The following HELT variants were observed in gnomAD, a reference collection of about 807,000 sequenced individuals.
HELT encodes hairy and enhancer of split-related protein HELT.
In HELT, 9 loss-of-function variants were observed where a neutral mutation model predicts 19.5. The ratio of observed to expected loss-of-function variants is 0.46; its 90% confidence interval spans 0.28 to 0.80. HELT has a LOEUF of 0.80. Ranked by LOEUF, HELT falls within the 30% of genes least tolerant of loss-of-function variation. The probability of loss-of-function intolerance (pLI) is 0.12; values close to 1 mark genes in which losing one functional copy is unlikely to be tolerated. For synonymous variants in HELT, 162 were observed against 148.3 expected, an observed-to-expected ratio of 1.09 and a Z score of -0.67; for missense variants, 366 against 326.3, an observed-to-expected ratio of 1.12 and a Z score of -0.94.
At chr4:185,019,203 G>T (rs1158497654) in intron 1 of HELT, 184 bp from the exon 2 acceptor site, 2 of 1,342,512 alleles carry the variant, frequency 1.5e-6, no homozygotes, top group African/African-American at 1.5e-5. Context: ...AGGGGAGCGC[G>T]CCAGCGCGGG....
In HELT at chr4:185,020,782, G is replaced by A. The variant is rs930095695; in HGVS notation, c.*10G>A. 6.6e-7 allele frequency: 1 copy of A among 1,507,898 alleles called. No individual in the cohort carries two copies. Among genetic ancestry groups the A allele is most frequent in the Non-Finnish European group, 8.8e-7 (1 of 1,136,444 alleles). 93.4% of individuals were successfully genotyped at this position (1,507,898 alleles called of 1,614,324 possible). A position where few individuals can be genotyped will look rare whatever the true frequency, so the allele number is the denominator to read the frequency against. On this transcript the variant is annotated 3_prime_UTR_variant, in exon 4 of 4. Coordinates refer to ENST00000515777, the MANE Select transcript of HELT (RefSeq NM_001300781.2). Reference sequence around the variant, plus strand: ...CCCCCCGGTGCTCTGACGCCCACTCGCCCGCCAGATTTCTCCTCGCTTTGG... The same window carrying A: ...CCCCCCGGTGCTCTGACGCCCACTCACCCGCCAGATTTCTCCTCGCTTTGG...
Position 185,019,506 on chromosome 4 carries a change from C to A in HELT, c.132+15C>A. On this transcript the variant is annotated intron_variant, in intron 2 of 3. Coordinates refer to ENST00000515777, the MANE Select transcript of HELT (RefSeq NM_001300781.2). Reference sequence around the variant, plus strand: ...TGGCGAAGCAGGTAACGTTGGCGACCCGGAGCCGGGTGCCAGGCGTTGGGA... The same window carrying A: ...TGGCGAAGCAGGTAACGTTGGCGACACGGAGCCGGGTGCCAGGCGTTGGGA... The A allele has an allele frequency of 6.3e-7, 1 of 1,595,134 alleles. No homozygotes were observed. The highest frequency in any genetic ancestry group is 8.5e-7 in the Non-Finnish European group (1 of 1,170,438).
chr4:185,020,524 C>T lies in HELT; in HGVS notation c.481C>T (p.Pro161Ser), dbSNP rs771689955. 2 of 1,609,600 alleles carry T rather than the reference C, an allele frequency of 1.2e-6. No individual in the cohort carries two copies. The highest frequency in any genetic ancestry group is 1.1e-5 in the South Asian group (1 of 91,018). The stretch of plus-strand genomic sequence containing the variant: ...GGGGCCCGAATTCGCTGGTCACAGC[C>T]CGGGCGAGGCCGCTGTGTTCCCGCA... ...PAGPEFAGHS[P>S]GEAAVFPQGS... The change falls in exon 4 of 4, where the codon CCG becomes TCG. Residue 161 changes from proline (P) to serine (S), a missense_variant. Transcript: ENST00000515777.
chr4:185,019,652 T>A, intron 2 of HELT, 95 bp from the exon 3 acceptor site: 1 of 1,608,042 alleles, frequency 6.2e-7, no homozygotes, highest in South Asian at 1.1e-5. Context: ...CTGGCGCAGA[T>A]CCGCAGCCGC....
At position 185,020,571 on chromosome 4, in the gene HELT, C is replaced by T. The variant is rs749697254; in HGVS notation, c.528C>T (p.Phe176=). Residue 176 remains phenylalanine (F), a synonymous_variant, in exon 4 of 4, where the codon TTC becomes TTT. Transcript: ENST00000515777. ...VFPQGSGAGP[F]PWPPGAARSP... is the part of the protein sequence containing the mutation. ...CGCAGGGCTCTGGTGCCGGGCCTTT[C>T]CCCTGGCCGCCTGGCGCGGCCCGCA... 20 of 1,597,282 alleles carry T rather than the reference C, an allele frequency of 1.3e-5. No homozygotes were observed. The East Asian group carries it at 2.7e-4, about 21-fold the overall frequency.
intron 1 of HELT, 52 bp downstream of exon 1, chr4:185,019,007 G>T: frequency 1.9e-6 from 3 of 1,614,040 alleles, no homozygotes; most frequent in Non-Finnish European, 2.5e-6. Context: ...GGAGGCATCT[G>T]ACTCACCGAC....
At chr4:185,019,935 G>C in intron 3 of HELT, 92 bp downstream of exon 3, 1 of 1,191,086 alleles carries the variant, frequency 8.4e-7, no homozygotes, top group South Asian at 1.4e-5. Flanking sequence ...GAGTGTTCCC[G>C]AGAGCTCTAC....
Position 185,020,240 on chromosome 4 carries a change from G to A in HELT, c.230-33G>A, listed in dbSNP as rs779708719. 1.2e-5 allele frequency: 19 copies of A among 1,598,282 alleles called. No individual in the cohort carries two copies. The Admixed American group carries it at 2.7e-4, about 23-fold the overall frequency. ...CGCGTGGGGAAGGGGCACTCAGGGT[G>A]TGTCCGTCCTACGGGCTTTCTCGTT... On this transcript the variant is annotated intron_variant, in intron 3 of 3. Transcript: ENST00000515777.
Position 185,019,428 on chromosome 4 carries a change from G to T in HELT, c.69G>T (p.Arg23Ser), listed in dbSNP as rs1378484343. Residue 23 changes from arginine to serine, a missense_variant, in exon 2 of 4, where the codon AGG becomes AGT. Transcript: ENST00000515777. ...VSHKVIEKRRRDRINRCLNEL... is the reference protein window; with the variant it reads ...VSHKVIEKRRSDRINRCLNEL... ...ATAAAGTGATAGAAAAGCGGAGGAGGGACAGGATCAACCGCTGCTTGAACG... is the reference window on the plus strand; with the variant it reads ...ATAAAGTGATAGAAAAGCGGAGGAGTGACAGGATCAACCGCTGCTTGAACG... 1 of 1,613,428 alleles carries T rather than the reference G, an allele frequency of 6.2e-7. No individual in the cohort carries two copies. Among genetic ancestry groups the T allele is most frequent in the Non-Finnish European group, 8.5e-7 (1 of 1,179,664 alleles).
chr4:185,018,638 T>A lies in HELT; in HGVS notation c.-291T>A, dbSNP rs1452652352. ...GTGTCCTTTGAAGGGCCACGTGGAT[T>A]AACAAAGCTGATCTGCCCCCAGCTC... On this transcript the variant is annotated 5_prime_UTR_variant, in exon 1 of 4. Transcript: ENST00000515777. Among the ~76,000 whole-genome samples, 1 of 151,872 alleles carries A rather than the reference T, an allele frequency of 6.6e-6. No individual in the cohort carries two copies. Among genetic ancestry groups the A allele is most frequent in the African/African-American group, 2.4e-5 (1 of 41,350 alleles).
rs532087940 is a variant in HELT at position 185,019,025 on chromosome 4, T to C, written c.27+70T>C. The C allele has an allele frequency of 4.9e-5, 79 of 1,613,980 alleles. 1 individual carries two copies. In the Middle Eastern group the frequency reaches 1.3e-3, roughly 27 times the overall value. On this transcript the variant is annotated intron_variant, in intron 1 of 3. Transcript: ENST00000515777. ...GGCATCTGACTCACCGACCCGCCAC[T>C]TGGGTGGACCGATGGCAGGGAAGTG...
chr4:185,019,810 C>T lies in HELT; in HGVS notation c.196C>T (p.His66Tyr). 3.1e-6 allele frequency: 5 copies of T among 1,613,816 alleles called. No individual in the cohort carries two copies. Among genetic ancestry groups the T allele is most frequent in the Non-Finnish European group, 3.4e-6 (4 of 1,179,974 alleles). Reference protein sequence around the residue: ...EMTVQYLRALHSADFPRGREK... With the variant: ...EMTVQYLRALYSADFPRGREK... ...GACCGTTCAGTACCTGAGAGCACTG[C>T]ACTCCGCTGATTTTCCCCGGGGAAG... Residue 66 changes from histidine to tyrosine, a missense_variant, in exon 3 of 4, where the codon CAC becomes TAC. His to Tyr is a moderately conservative substitution (Grantham distance 83). Coordinates refer to ENST00000515777, the MANE Select transcript of HELT (RefSeq NM_001300781.2).
intron 1 of HELT, 83 bp downstream of exon 1, chr4:185,019,038 T>A: frequency 6.2e-7 from 1 of 1,614,000 alleles, no homozygotes. Context: ...GGTGGACCGA[T>A]GGCAGGGAAG....
rs746366895 is a variant in HELT at position 185,020,580 on chromosome 4, G to A, written c.537G>A (p.Pro179=). 8 of 1,593,418 alleles carry A rather than the reference G, an allele frequency of 5.0e-6. No homozygotes were observed. In the African/African-American group the frequency reaches 5.4e-5, roughly 11 times the overall value. ...QGSGAGPFPW[P]PGAARSPALP... ...CTGGTGCCGGGCCTTTCCCCTGGCC[G>A]CCTGGCGCGGCCCGCAGCCCCGCGC... Residue 179 remains proline, a synonymous_variant, in exon 4 of 4, where the codon CCG becomes CCA. Coordinates refer to ENST00000515777, the MANE Select transcript of HELT (RefSeq NM_001300781.2).
intron 3 of HELT, 32 bp downstream of exon 3, chr4:185,019,875 G>T (rs771115159): frequency 6.3e-7 from 1 of 1,583,748 alleles, no homozygotes; most frequent in South Asian, 1.1e-5. Flanking sequence ...GGACGCCTGG[G>T]CCAGGCGCCT....
intron 2 of HELT, 76 bp downstream of exon 2, chr4:185,019,567 C>A: frequency 6.4e-7 from 1 of 1,551,154 alleles, no homozygotes; most frequent in Admixed American, 2.0e-5. Context: ...CGCCCGAGCC[C>A]GCGGACACAG....
At chr4:185,019,634 A>T (rs943388947) in intron 2 of HELT, 113 bp from the exon 3 acceptor site, 3 of 1,604,176 alleles carry the variant, frequency 1.9e-6, no homozygotes. Context: ...GGCGAACCTC[A>T]GGAGGCTCTG....
chr4:185,020,310 T>C lies in HELT; in HGVS notation c.267T>C (p.Tyr89=), dbSNP rs1373215027. The C allele has an allele frequency of 1.2e-6, 2 of 1,614,038 alleles. No individual in the cohort carries two copies. Among genetic ancestry groups the C allele is most frequent in the African/African-American group, 1.3e-5 (1 of 74,946 alleles). The change falls in exon 4 of 4, where the codon TAT becomes TAC. Residue 89 remains tyrosine (Y), a synonymous_variant. Coordinates refer to ENST00000515777, the MANE Select transcript of HELT (RefSeq NM_001300781.2). The stretch of plus-strand genomic sequence containing the variant: ...CGGAGTTTGCCAACTACTTCCACTA[T>C]GGCTACCACGAGTGCATGAAGAACC... ...LLAEFANYFH[Y]GYHECMKNLV... is the part of the protein sequence containing the mutation.
Position 185,020,419 on chromosome 4 carries a change from G to C in HELT, c.376G>C (p.Ala126Pro). 1 of 1,614,160 alleles carries C rather than the reference G, an allele frequency of 6.2e-7. No homozygotes were observed. The highest frequency in any genetic ancestry group is 8.5e-7 in the Non-Finnish European group (1 of 1,180,052). ...CATCCTCGCCTTCTTGCAGTCCAAG[G>C]CCCGCCTGGGCGCGGAGCCCGCCTT... Reference protein sequence around the residue: ...ARILAFLQSKARLGAEPAFPP... With the variant: ...ARILAFLQSKPRLGAEPAFPP... Residue 126 changes from alanine (A) to proline (P), a missense_variant, in exon 4 of 4, where the codon GCC (alanine) becomes CCC (proline). Ala to Pro is a conservative substitution (Grantham distance 27). Coordinates refer to ENST00000515777, the MANE Select transcript of HELT (RefSeq NM_001300781.2).
Sources: gnomAD v4.1 joint callset for allele counts (sites outside exome capture counted in the v4.1 genomes callset) on GRCh38, gnomAD v4.1.1 for gene constraint, MANE v1.5 for transcripts, NCBI Gene and HGNC (gene_info 2026-07-23, HGNC 2026-07-21) for gene names.